PABPC1: variants seen among roughly 807,000 people sequenced by gnomAD.
PABPC1 encodes poly(A) binding protein cytoplasmic 1, also known as polyadenylate-binding protein 1.
Under a neutral mutation model 74.0 loss-of-function variants are expected in PABPC1, and 4 were observed. The observed-to-expected ratio is 0.05, with a 90% CI of 0.03 to 0.12. The LOEUF (loss-of-function observed/expected upper bound fraction) is 0.12, where lower values mean the gene tolerates loss of function less well. PABPC1 is among the 10% of genes least tolerant of loss of function. PABPC1 has a pLI of 1.00. For synonymous variants in PABPC1, 227 were observed against 264.1 expected, an observed-to-expected ratio of 0.86 and a Z score of 1.36; for missense variants, 271 against 821.1, an observed-to-expected ratio of 0.33 and a Z score of 8.19.
chr8:100,717,168 G>A (rs561911857), intron 3 of PABPC1, among the ~76,000 whole-genome samples: 2 of 152,214 alleles, frequency 1.3e-5, no homozygotes, highest in African/African-American at 4.8e-5. Flanking sequence ...GCGCCACCAT[G>A]CCCAGCTAAT....
intron 4 of PABPC1, among the ~76,000 whole-genome samples, chr8:100,713,510 G>C (rs968710077): frequency 6.6e-5 from 10 of 152,034 alleles, no homozygotes; most frequent in Non-Finnish European, 2.9e-5. Flanking sequence ...TTTCTATAGA[G>C]ACAGTATATC....
chr8:100,713,189 A>T lies in PABPC1; in HGVS notation c.644-8T>A, dbSNP rs553423092. The T allele has an allele frequency of 1.0e-5, 15 of 1,467,482 alleles. No individual in the cohort carries two copies. The highest frequency in any genetic ancestry group is 1.3e-5 in the South Asian group (1 of 78,192). 90.9% of individuals were successfully genotyped at this position (1,467,482 alleles called of 1,614,324 possible). ...TCACACTTAAGGCAGGCCCTAAAAAATTTTTTTACATAAATCAAAGATATT... is the reference window on the plus strand; with the variant it reads ...TCACACTTAAGGCAGGCCCTAAAAATTTTTTTTACATAAATCAAAGATATT... On this transcript the variant is annotated splice_polypyrimidine_tract_variant and splice_region_variant and intron_variant, in intron 4 of 14. Transcript: ENST00000318607.
At chr8:100,714,814 T>TG (rs1442526327) in intron 4 of PABPC1, among the ~76,000 whole-genome samples, 2 of 151,910 alleles carry the variant, frequency 1.3e-5, no homozygotes, top group Non-Finnish European at 2.9e-5. Context: ...ATGCAAAGGG[T>TG]GGGGTCAAGC....
chr8:100,705,090 T>TA (rs557936751), intron 12 of PABPC1, 34 bp from the exon 13 acceptor site: 22 of 1,589,126 alleles, frequency 1.4e-5, no homozygotes, highest in African/African-American at 2.7e-5. Context: ...CTCCCTTCAA[T>TA]AAAAAAAAGT....
chr8:100,712,596 C>T lies in PABPC1; in HGVS notation c.876+56G>A, dbSNP rs7825705. On this transcript the variant is annotated intron_variant, in intron 6 of 14. Transcript: ENST00000318607. Reference sequence around the variant, plus strand: ...GCTACCTGGAAGTAACTGAAATCAACGTAAAATAGGTTTCCTCATCCCTGT... The same window carrying T: ...GCTACCTGGAAGTAACTGAAATCAATGTAAAATAGGTTTCCTCATCCCTGT... The T allele has an allele frequency of 9.7e-3, 15,216 of 1,569,336 alleles. 1,128 individuals are homozygous for T. The African/African-American group carries it at 0.17, about 18-fold the overall frequency.
chr8:100,706,286 C>T (rs1373851290), intron 11 of PABPC1, among the ~76,000 whole-genome samples: 1 of 152,220 alleles, frequency 6.6e-6, no homozygotes, highest in Non-Finnish European at 1.5e-5. Context: ...AGGCTAAGCT[C>T]TCAAGAATCT....
chr8:100,711,500 G>A (rs1810526458), intron 7 of PABPC1, among the ~76,000 whole-genome samples: 1 of 152,142 alleles, frequency 6.6e-6, no homozygotes, highest in South Asian at 2.1e-4. Flanking sequence ...AAACATGCAT[G>A]CTTCATACAT....
intron 3 of PABPC1, among the ~76,000 whole-genome samples, chr8:100,716,862 T>C (rs1208319599): frequency 6.6e-6 from 1 of 152,260 alleles, no homozygotes; most frequent in African/African-American, 2.4e-5. Context: ...AAAGACACTT[T>C]GTGTATTTCT....
rs1177125224 is a variant in PABPC1 at position 100,709,138 on chromosome 8, G to A, written c.1331C>T (p.Pro444Leu). 3 of 1,612,848 alleles carry A rather than the reference G, an allele frequency of 1.9e-6. No individual in the cohort carries two copies. The highest frequency in any genetic ancestry group is 2.5e-6 in the Non-Finnish European group (3 of 1,179,328). Residue 444 changes from proline (P) to leucine (L), a missense_variant, in exon 9 of 15, where the codon CCT (proline) becomes CTT (leucine). Transcript: ENST00000318607. ...TTAAAAGAAAAAAGACTTACGATGA[G>A]GTCTGGCACCCTGAGCAGTCCAGCG... Reference protein sequence around the residue: ...SPRWTAQGARPHPFQNMPGAI... With the variant: ...SPRWTAQGARLHPFQNMPGAI...
At chr8:100,717,942 T>C (rs1810717011) in intron 2 of PABPC1, 54 bp from the exon 3 acceptor site, 1 of 1,430,642 alleles carries the variant, frequency 7.0e-7, no homozygotes, top group Non-Finnish European at 9.9e-7. Context: ...TTAACATTTG[T>C]TCAGTGTTGA....
chr8:100,713,516 A>G (rs559393912), intron 4 of PABPC1, among the ~76,000 whole-genome samples: 5 of 152,282 alleles, frequency 3.3e-5, no homozygotes, highest in East Asian at 1.9e-4. Context: ...TAGAGACAGT[A>G]TATCATTCCA....
Position 100,703,179 on chromosome 8 carries a change from G to A in PABPC1, c.*182C>T, listed in dbSNP as rs1474362999. ...TGTTTTTAAATCAATAAGTAATCTA[G>A]GACTAGCATTATGTTTGCTAGACCT... On this transcript the variant is annotated 3_prime_UTR_variant, in exon 15 of 15. Transcript: ENST00000318607. 1 of 166,878 alleles carries A rather than the reference G, an allele frequency of 6.0e-6. No individual in the cohort carries two copies. The highest frequency in any genetic ancestry group is 2.4e-5 in the African/African-American group (1 of 41,474). 10.3% of individuals were successfully genotyped at this position (166,878 alleles called of 1,614,324 possible).
chr8:100,704,648 AAGC>A (rs1297334498), intron 13 of PABPC1, among the ~76,000 whole-genome samples: 8 of 152,222 alleles, frequency 5.3e-5, no homozygotes, highest in African/African-American at 1.9e-4. Flanking sequence ...CCACTAGAGA[AAGC>A]AGCAGCAGTT....
Position 100,718,377 on chromosome 8 carries a change from T to C in PABPC1, c.194-97A>G. 3 of 950,716 alleles carry C rather than the reference T, an allele frequency of 3.2e-6. No homozygotes were observed. The Admixed American group carries it at 7.7e-5, about 25-fold the overall frequency. The allele number at this position is 950,716 out of a possible 1,614,324, so 58.9% of individuals were successfully genotyped here. On this transcript the variant is annotated intron_variant, in intron 1 of 14. Transcript: ENST00000318607. ...ATGGTGACTGGAGTGGGAGGACACATGGTCTCACAGTTGAACGCTTCCTCT... is the reference window on the plus strand; with the variant it reads ...ATGGTGACTGGAGTGGGAGGACACACGGTCTCACAGTTGAACGCTTCCTCT...
intron 3 of PABPC1, 57 bp downstream of exon 3, chr8:100,717,716 T>C: frequency 9.6e-7 from 1 of 1,039,926 alleles, no homozygotes; most frequent in Non-Finnish European, 1.5e-6. Flanking sequence ...AATGAATGGA[T>C]TTGGAATTAT....
Position 100,712,363 on chromosome 8 carries a change from T to C in PABPC1, c.971A>G (p.Lys324Arg), listed in dbSNP as rs1403650251. 6.4e-7 allele frequency: 1 copy of C among 1,560,866 alleles called. No homozygotes were observed. Among genetic ancestry groups the C allele is most frequent in the Non-Finnish European group, 8.8e-7 (1 of 1,139,188 alleles). Reference protein sequence around the residue: ...FSPFGTITSAKVMMEGGRSKG... With the variant: ...FSPFGTITSARVMMEGGRSKG... ...TAAATGAACCATATGTTTTCTTACC[T>C]TTGCACTAGTGATTGTACCAAATGG... Residue 324 changes from lysine (K) to arginine (R), a missense_variant and splice_region_variant, in exon 7 of 15, where the codon AAG becomes AGG. Lys to Arg is a conservative substitution (Grantham distance 26). Around this residue, in one of 7 missense-constraint regions of PABPC1, gnomAD observed 78 missense variants for 202.8 expected, o/e 0.38. Transcript: ENST00000318607.
Position 100,709,684 on chromosome 8 carries a change from G to A in PABPC1, c.1020C>T (p.Phe340=). 6.2e-7 allele frequency: 1 copy of A among 1,613,638 alleles called. No homozygotes were observed. The highest frequency in any genetic ancestry group is 8.5e-7 in the Non-Finnish European group (1 of 1,179,960). Residue 340 remains phenylalanine (F), a synonymous_variant, in exon 8 of 15, where the codon TTC becomes TTT. Transcript: ENST00000318607. ...CTTTAGTGGCTTCTTCTGGGGAGGA[G>A]AAACATACAAAACCAAACCCTTTGC... ...GRSKGFGFVC[F]SSPEEATKAV... is the part of the protein sequence containing the mutation.
intron 7 of PABPC1, among the ~76,000 whole-genome samples, chr8:100,712,035 G>A (rs1298696763): frequency 6.6e-6 from 1 of 152,198 alleles, no homozygotes; most frequent in Non-Finnish European, 1.5e-5. Flanking sequence ...TGACTACCCA[G>A]AATGAATTGT....
chr8:100,716,140 A>T (rs936963183), intron 3 of PABPC1, among the ~76,000 whole-genome samples: 8 of 152,240 alleles, frequency 5.3e-5, no homozygotes, highest in Non-Finnish European at 1.0e-4. Flanking sequence ...GCAGTGGCTC[A>T]CACCTGTAAT....
Sources: allele counts gnomAD v4.1 joint callset (sites outside exome capture counted in the v4.1 genomes callset), GRCh38; gene constraint gnomAD v4.1.1; regional missense constraint gnomAD v4.1.1; transcripts MANE v1.5; gene names NCBI Gene and HGNC (gene_info 2026-07-23, HGNC 2026-07-21).